The following SYT2 variants were observed in gnomAD, a reference collection of about 807,000 sequenced individuals.
SYT2 encodes the protein synaptotagmin-2.
SYT2 carries 15 observed loss-of-function variants against 39.9 expected under a neutral mutation model. The observed-to-expected ratio is 0.38, with a 90% CI of 0.25 to 0.58. SYT2 has a LOEUF of 0.58. SYT2 is among the 20% of genes least tolerant of loss of function. The pLI is 0.70. For missense variants in SYT2, 389 were observed against 530.3 expected, an observed-to-expected ratio of 0.73 and a Z score of 2.62; for synonymous variants, 181 against 204.5, an observed-to-expected ratio of 0.89 and a Z score of 0.98.
chr1:202,624,622 AGT>A (rs1241259648), intron 1 of SYT2, among the ~76,000 whole-genome samples: 1 of 34,664 alleles, frequency 2.9e-5, no homozygotes, highest in Non-Finnish European at 6.3e-5. Flanking sequence ...GGTGTCATAG[AGT>A]GTGTGTATGG....
intron 1 of SYT2, among the ~76,000 whole-genome samples, chr1:202,662,227 T>C (rs1692395503): frequency 6.6e-6 from 1 of 152,194 alleles, no homozygotes; most frequent in Non-Finnish European, 1.5e-5. Flanking sequence ...AGAGGCATAG[T>C]GTATGCGAGT....
At chr1:202,660,963 TATC>T (rs1692367066) in intron 1 of SYT2, among the ~76,000 whole-genome samples, 1 of 152,166 alleles carries the variant, frequency 6.6e-6, no homozygotes, top group African/African-American at 2.4e-5. Flanking sequence ...TCTGCCACAG[TATC>T]ATACTTCTGC....
intron 1 of SYT2, among the ~76,000 whole-genome samples, chr1:202,625,579 C>G (rs1231235265): frequency 6.6e-6 from 1 of 151,886 alleles, no homozygotes; most frequent in Non-Finnish European, 1.5e-5. Flanking sequence ...TTCCCTGCGG[C>G]CCGTTGAGGA....
At chr1:202,633,735 G>GT (rs1691662869) in intron 1 of SYT2, among the ~76,000 whole-genome samples, 2 of 152,188 alleles carry the variant, frequency 1.3e-5, no homozygotes, top group Non-Finnish European at 2.9e-5. Context: ...CTAGAATCCA[G>GT]GGCCCTTTCC....
intron 1 of SYT2, 145 bp from the exon 2 acceptor site, chr1:202,605,934 T>G: frequency 1.7e-6 from 1 of 593,952 alleles, no homozygotes. Flanking sequence ...CCAATAATAA[T>G]AGACATCATC....
intron 1 of SYT2, among the ~76,000 whole-genome samples, chr1:202,631,246 T>A (rs1691581416): frequency 6.6e-6 from 1 of 152,062 alleles, no homozygotes; most frequent in Non-Finnish European, 1.5e-5. Flanking sequence ...CGCAGGGAGT[T>A]CCAGTTCACC....
intron 1 of SYT2, among the ~76,000 whole-genome samples, chr1:202,637,022 T>G (rs2149094201): frequency 1.3e-5 from 2 of 152,262 alleles, no homozygotes; most frequent in East Asian, 3.9e-4. Flanking sequence ...CAAGTCTCAC[T>G]AAAACATGGA....
intron 1 of SYT2, among the ~76,000 whole-genome samples, chr1:202,617,524 G>C (rs144372801): frequency 6.6e-6 from 1 of 152,246 alleles, no homozygotes; most frequent in African/African-American, 2.4e-5. Flanking sequence ...GTGGAACTTC[G>C]AGCCAATTAA....
At chr1:202,683,485 C>T (rs1220224909) in intron 1 of SYT2, among the ~76,000 whole-genome samples, 1 of 152,130 alleles carries the variant, frequency 6.6e-6, no homozygotes, top group Non-Finnish European at 1.5e-5. Flanking sequence ...CGCCTGTAAT[C>T]CCAGCATTTT....
In SYT2 at chr1:202,604,580, G is replaced by A; in HGVS notation, c.220C>T (p.Leu74Phe). Residue 74 changes from leucine to phenylalanine, a missense_variant, in exon 3 of 9, where the codon CTC becomes TTC. Coordinates refer to ENST00000367268, the MANE Select transcript of SYT2 (RefSeq NM_177402.5). ...ALIAIAVVAG[L>F]LLLTCCFCIC... Reference sequence around the variant, plus strand: ...CAGAAGCAGCAGGTGAGAAGCAGGAGCCCAGCAACCACAGCAATGGCGATC... The same window carrying A: ...CAGAAGCAGCAGGTGAGAAGCAGGAACCCAGCAACCACAGCAATGGCGATC... 6.2e-7 allele frequency: 1 copy of A among 1,614,170 alleles called. No individual in the cohort carries two copies.
chr1:202,691,713 GAGGGAGAGGGAGAGGGGGGGA>G lies in SYT2; in HGVS notation c.-18+18524_-18+18544del, dbSNP rs1558463270. Among the ~76,000 whole-genome samples the G allele has an allele frequency of 3.7e-4, 22 of 59,168 alleles. 1 individual carries two copies. The East Asian group carries it at 5.0e-3, about 13-fold the overall frequency. 38.8% of individuals were successfully genotyped at this position (59,168 alleles called of 152,430 possible). On this transcript the variant is annotated intron_variant, in intron 1 of 8. Coordinates refer to ENST00000367268, the MANE Select transcript of SYT2 (RefSeq NM_177402.5). ...AGAGGGAGAGGGAGAGGGAGAGGGA[GAGGGAGAGGGAGAGGGGGGGA>G]GAGAGAGAGAGAGAGAGAGAGAGAG...
intron 1 of SYT2, chr1:202,639,628 A>C (rs1346847634): frequency 2.0e-6 from 2 of 985,328 alleles, no homozygotes; most frequent in African/African-American, 3.5e-5. Flanking sequence ...GAATGGAGGG[A>C]TGCCATGCTG....
chr1:202,627,657 A>G, intron 1 of SYT2: 1 of 984,888 alleles, frequency 1.0e-6, no homozygotes, highest in Non-Finnish European at 1.2e-6. Flanking sequence ...TCCCTGGTTA[A>G]TGAGGGTTTG....
chr1:202,605,773 G>T lies in SYT2; in HGVS notation c.-1C>A, dbSNP rs775200294. 3 of 1,613,676 alleles carry T rather than the reference G, an allele frequency of 1.9e-6. No homozygotes were observed. The South Asian group carries it at 3.3e-5, about 18-fold the overall frequency. On this transcript the variant is annotated 5_prime_UTR_variant, in exon 2 of 9. Coordinates refer to ENST00000367268, the MANE Select transcript of SYT2 (RefSeq NM_177402.5). ...GGTTCCTCTTGAAAATGTTCCTCATGGTGGCAGAGGAAACAGCTGGGGACG... is the reference window on the plus strand; with the variant it reads ...GGTTCCTCTTGAAAATGTTCCTCATTGTGGCAGAGGAAACAGCTGGGGACG...
intron 1 of SYT2, among the ~76,000 whole-genome samples, chr1:202,626,258 T>C (rs1045221288): frequency 4.6e-5 from 7 of 152,016 alleles, no homozygotes; most frequent in Admixed American, 2.0e-4. Flanking sequence ...CCCTCTGCAG[T>C]GGCATCTCTT....
At chr1:202,677,243 A>G (rs1268609214) in intron 1 of SYT2, among the ~76,000 whole-genome samples, 1 of 152,144 alleles carries the variant, frequency 6.6e-6, no homozygotes, top group African/African-American at 2.4e-5. Flanking sequence ...CTCATCTCCC[A>G]TCCCACATGT....
chr1:202,631,773 C>T (rs1473608711), intron 1 of SYT2, among the ~76,000 whole-genome samples: 1 of 152,162 alleles, frequency 6.6e-6, no homozygotes, highest in Non-Finnish European at 1.5e-5. Context: ...AATGAGGGCT[C>T]CATCATTGGG....
At chr1:202,611,120 C>T (rs1274099640) in intron 1 of SYT2, among the ~76,000 whole-genome samples, 1 of 152,182 alleles carries the variant, frequency 6.6e-6, no homozygotes, top group Non-Finnish European at 1.5e-5. Flanking sequence ...ATTTGCATTT[C>T]CCTGATGTCT....
chr1:202,646,126 C>T (rs1692076790), intron 1 of SYT2, among the ~76,000 whole-genome samples: 1 of 152,178 alleles, frequency 6.6e-6, no homozygotes, highest in Non-Finnish European at 1.5e-5. Flanking sequence ...GCCCTCCTCC[C>T]CAGGTGCTCC....
Sources: gnomAD v4.1 joint callset for allele counts (sites outside exome capture counted in the v4.1 genomes callset) on GRCh38, gnomAD v4.1.1 for gene constraint, MANE v1.5 for transcripts, NCBI Gene and HGNC (gene_info 2026-07-23, HGNC 2026-07-21) for gene names.